The following RBFOX1 variants were observed in gnomAD, a reference collection of about 807,000 sequenced individuals.
The protein encoded by RBFOX1 is RNA binding protein fox-1 homolog 1.
Under a neutral mutation model 57.7 loss-of-function variants are expected in RBFOX1, and 8 were observed. The observed-to-expected ratio is 0.14, with a 90% CI of 0.08 to 0.25. RBFOX1 has a LOEUF of 0.25. RBFOX1 is among the 10% of genes least tolerant of loss of function. The pLI is 1.00. For synonymous variants in RBFOX1, 326 were observed against 222.4 expected (o/e 1.47, Z -4.15); for missense variants, 611 against 548.5 (o/e 1.11, Z -1.14).
chr16:5,686,763 A>T (rs2050517614), intron 3 of RBFOX1, among the ~76,000 whole-genome samples: 1 of 152,082 alleles, frequency 6.6e-6, no homozygotes, highest in African/African-American at 2.4e-5. Context: ...AAATGAAAGT[A>T]TTTTTTCCAG....
chr16:5,842,857 C>T (rs931111344), intron 3 of RBFOX1, among the ~76,000 whole-genome samples: 29 of 151,980 alleles, frequency 1.9e-4, no homozygotes, highest in African/African-American at 1.7e-4. Flanking sequence ...CTCGCACTGT[C>T]GCCTGGACTA....
intron 1 of RBFOX1, among the ~76,000 whole-genome samples, chr16:5,372,441 T>C (rs1332756265): frequency 1.4e-4 from 21 of 149,668 alleles, no homozygotes; most frequent in Non-Finnish European, 1.5e-5. Flanking sequence ...CAATTTTTAT[T>C]TGGTCATGAA....
At chr16:7,463,973 G>C (rs960605329) in intron 4 of RBFOX1, among the ~76,000 whole-genome samples, 2 of 152,112 alleles carry the variant, frequency 1.3e-5, no homozygotes, top group African/African-American at 4.8e-5. Context: ...TCTTGCCCTG[G>C]GTGACTCAGA....
intron 4 of RBFOX1, among the ~76,000 whole-genome samples, chr16:7,107,811 C>G (rs1035086017): frequency 4.6e-5 from 7 of 152,056 alleles, no homozygotes; most frequent in African/African-American, 1.2e-4. Flanking sequence ...CTTTTTGTGT[C>G]TGAAAAGGAT....
intron 1 of RBFOX1, among the ~76,000 whole-genome samples, chr16:5,277,915 T>A (rs1372508817): frequency 6.6e-6 from 1 of 152,174 alleles, no homozygotes; most frequent in East Asian, 1.9e-4. Flanking sequence ...GACACTTAGA[T>A]TGATTCCATA....
At chr16:5,443,382 G>A (rs149930514) in intron 1 of RBFOX1, among the ~76,000 whole-genome samples, 1 of 152,288 alleles carries the variant, frequency 6.6e-6, no homozygotes, top group Admixed American at 6.5e-5. Flanking sequence ...CTGTTACCCA[G>A]GCTGGAGTGC....
At chr16:7,709,725 G>A (rs2083628980) in intron 15 of RBFOX1, 5 of 881,630 alleles carry the variant, frequency 5.7e-6, no homozygotes, top group African/African-American at 4.1e-5. Flanking sequence ...TTTGTTTTGG[G>A]GCAGGTCTGG....
intron 11 of RBFOX1, among the ~76,000 whole-genome samples, chr16:7,645,085 G>A (rs184972011): frequency 6.6e-6 from 1 of 152,140 alleles, no homozygotes; most frequent in Admixed American, 6.5e-5. Context: ...CCAGCACGTT[G>A]TCACCATCTT....
chr16:6,337,266 G>A (rs1319932040), intron 2 of RBFOX1, among the ~76,000 whole-genome samples: 1 of 152,136 alleles, frequency 6.6e-6, no homozygotes, highest in East Asian at 1.9e-4. Flanking sequence ...CTCCTTTAAT[G>A]GTGCATTTAA....
At chr16:6,201,292 A>G (rs898530210) in intron 1 of RBFOX1, among the ~76,000 whole-genome samples, 1 of 152,096 alleles carries the variant, frequency 6.6e-6, no homozygotes, top group African/African-American at 2.4e-5. Context: ...CTTCTTTATA[A>G]GGGTTTTCTT....
chr16:5,454,219 C>G lies in RBFOX1; in HGVS notation c.220-12997C>G, dbSNP rs565864518. On this transcript the variant is annotated intron_variant, in intron 1 of 2. Coordinates refer to the RBFOX1 transcript ENST00000585867. ...CCTCCTAGGTACAGAGATCTCTGGC[C>G]GAAGTCCTTCACACTTCCCTCTGGA... is the stretch of plus-strand genomic sequence containing the variant. Among the ~76,000 whole-genome samples, 128 of 152,238 alleles carry G rather than the reference C, an allele frequency of 8.4e-4. 3 individuals carry two copies. The South Asian group carries it at 9.1e-3, about 11-fold the overall frequency.
At chr16:7,047,853 G>A (rs933528693) in intron 3 of RBFOX1, among the ~76,000 whole-genome samples, 2 of 150,440 alleles carry the variant, frequency 1.3e-5, no homozygotes, top group Non-Finnish European at 3.0e-5. Context: ...GACACCTTCA[G>A]TGAGATTTTA....
At chr16:5,724,268 C>T (rs932570392) in intron 3 of RBFOX1, among the ~76,000 whole-genome samples, 1 of 152,182 alleles carries the variant, frequency 6.6e-6, no homozygotes, top group Admixed American at 6.5e-5. Flanking sequence ...GGGTAGTTGT[C>T]AGAGAGGCTG....
At chr16:7,466,727 G>T (rs1313848653) in intron 4 of RBFOX1, among the ~76,000 whole-genome samples, 4 of 152,202 alleles carry the variant, frequency 2.6e-5, no homozygotes, top group African/African-American at 9.7e-5. Flanking sequence ...CAGTGATGAT[G>T]CCCAGGTATC....
At chr16:6,538,583 G>C (rs1241913379) in intron 2 of RBFOX1, among the ~76,000 whole-genome samples, 1 of 152,210 alleles carries the variant, frequency 6.6e-6, no homozygotes, top group Admixed American at 6.5e-5. Flanking sequence ...AGTAATAACA[G>C]AAGGTAACAA....
intron 3 of RBFOX1, among the ~76,000 whole-genome samples, chr16:7,036,077 G>T (rs1418322362): frequency 6.6e-6 from 1 of 152,164 alleles, no homozygotes; most frequent in Non-Finnish European, 1.5e-5. Context: ...CTTGTGTAAA[G>T]ATCTCTTCAG....
chr16:6,130,687 T>A (rs1057254620), intron 1 of RBFOX1, among the ~76,000 whole-genome samples: 3 of 152,248 alleles, frequency 2.0e-5, no homozygotes, highest in African/African-American at 7.2e-5. Context: ...GAAAACTATA[T>A]CCCATATGAA....
intron 1 of RBFOX1, among the ~76,000 whole-genome samples, chr16:6,280,863 T>C (rs999113605): frequency 2.0e-5 from 3 of 151,930 alleles, no homozygotes; most frequent in African/African-American, 7.2e-5. Flanking sequence ...TTCCTTTTCC[T>C]TTGAGATTTT....
chr16:6,096,276 G>C (rs1299141019), intron 1 of RBFOX1, among the ~76,000 whole-genome samples: 1 of 152,160 alleles, frequency 6.6e-6, no homozygotes, highest in Non-Finnish European at 1.5e-5. Flanking sequence ...GAGGAGAAAA[G>C]GAAAGGAAAC....
Sources: gnomAD v4.1 joint callset for allele counts (sites outside exome capture counted in the v4.1 genomes callset) on GRCh38, gnomAD v4.1.1 for gene constraint, MANE v1.5 for transcripts, NCBI Gene and HGNC (gene_info 2026-07-23, HGNC 2026-07-21) for gene names.